Variants in VPS53 observed in about 807,000 individuals in gnomAD.
VPS53 encodes the protein vacuolar protein sorting-associated protein 53 homolog.
VPS53 carries 70 observed loss-of-function variants against 107.0 expected under a neutral mutation model. That is an observed-to-expected ratio of 0.65 (90% confidence interval 0.54 to 0.80). VPS53 has a LOEUF of 0.80. Ranked by LOEUF, VPS53 falls within the 30% of genes least tolerant of loss-of-function variation. The probability of loss-of-function intolerance (pLI) is 0.00; values close to 1 mark genes in which losing one functional copy is unlikely to be tolerated. For missense variants in VPS53, 917 were observed against 1,049.4 expected (o/e 0.87, Z 1.74); for synonymous variants, 409 against 393.3 (o/e 1.04, Z -0.47).
At chr17:642,685 C>T (rs1420700290) in intron 7 of VPS53, among the ~76,000 whole-genome samples, 1 of 93,764 alleles carries the variant, frequency 1.1e-5, no homozygotes, top group East Asian at 3.7e-4. Context: ...TCATACTTGG[C>T]AACCGAGGAC....
chr17:638,806 C>T (rs150118430), intron 7 of VPS53, among the ~76,000 whole-genome samples: 1 of 152,320 alleles, frequency 6.6e-6, no homozygotes, highest in African/African-American at 2.4e-5. Context: ...GATGGGCTTC[C>T]CTTTGTGGGT....
intron 9 of VPS53, among the ~76,000 whole-genome samples, chr17:627,774 T>TCACA (rs60407745): frequency 4.2e-4 from 64 of 150,658 alleles, no homozygotes; most frequent in East Asian, 5.9e-4. Flanking sequence ...AAACTCCGTC[T>TCACA]CACACACACA....
intron 4 of VPS53, among the ~76,000 whole-genome samples, chr17:697,159 G>A (rs1015400684): frequency 7.9e-5 from 12 of 152,188 alleles, no homozygotes; most frequent in Non-Finnish European, 4.4e-5. Context: ...AGAGATGCCC[G>A]ACACGAAGGA....
chr17:600,376 G>T (rs752072329), intron 12 of VPS53, among the ~76,000 whole-genome samples: 68 of 152,256 alleles, frequency 4.5e-4, no homozygotes, highest in Non-Finnish European at 1.2e-4. Flanking sequence ...CCCTGTGTGG[G>T]TGGAGGACAT....
intron 12 of VPS53, among the ~76,000 whole-genome samples, chr17:596,085 CTG>C (rs1382008597): frequency 6.6e-6 from 1 of 152,222 alleles, no homozygotes; most frequent in Non-Finnish European, 1.5e-5. Flanking sequence ...CTGTACCTCG[CTG>C]TACTAGGTTT....
intron 11 of VPS53, among the ~76,000 whole-genome samples, chr17:610,959 T>G (rs1371589366): frequency 1.3e-5 from 2 of 150,922 alleles, no homozygotes; most frequent in Non-Finnish European, 3.0e-5. Flanking sequence ...AAAAAAGTTA[T>G]AGAATATATC....
chr17:657,340 C>G (rs1277645320), intron 5 of VPS53: 1 of 752,822 alleles, frequency 1.3e-6, no homozygotes, highest in Non-Finnish European at 2.4e-6. Flanking sequence ...TATGTTATAT[C>G]AGTTCGGACC....
At chr17:711,253 C>T (rs1316076493) in intron 1 of VPS53, among the ~76,000 whole-genome samples, 2 of 152,170 alleles carry the variant, frequency 1.3e-5, no homozygotes, top group Non-Finnish European at 2.9e-5. Flanking sequence ...TCCCTAACAA[C>T]CTGAAGAACA....
intron 13 of VPS53, among the ~76,000 whole-genome samples, chr17:579,714 C>G (rs926165532): frequency 2.0e-5 from 3 of 151,770 alleles, no homozygotes; most frequent in Non-Finnish European, 4.4e-5. Context: ...CCCTCAGGAC[C>G]TAATGCGTTC....
chr17:707,825 A>G (rs902700649), intron 2 of VPS53, among the ~76,000 whole-genome samples: 3 of 149,042 alleles, frequency 2.0e-5, no homozygotes, highest in African/African-American at 5.0e-5. Flanking sequence ...AACCTGGGCA[A>G]CAGAGTAAAA....
intron 5 of VPS53, among the ~76,000 whole-genome samples, chr17:658,688 G>A (rs528819182): frequency 0.014 from 2,044 of 141,260 alleles, 246 homozygotes; most frequent in African/African-American, 0.058. Context: ...ACTGAAGTGA[G>A]ACACTCGGCC....
intron 11 of VPS53, among the ~76,000 whole-genome samples, chr17:614,092 C>T (rs954560493): frequency 2.0e-5 from 3 of 152,178 alleles, no homozygotes; most frequent in Non-Finnish European, 4.4e-5. Context: ...AAAGTCAATT[C>T]GTAACTGCCC....
At chr17:666,354 C>G (rs962645880) in intron 4 of VPS53, among the ~76,000 whole-genome samples, 15 of 152,142 alleles carry the variant, frequency 9.9e-5, no homozygotes, top group African/African-American at 3.4e-4. Context: ...AGTGATTGTG[C>G]CTTCTGTTGT....
At chr17:586,468 T>C (rs551557291) in intron 12 of VPS53, 104 bp from the exon 13 acceptor site, 10 of 1,108,126 alleles carry the variant, frequency 9.0e-6, no homozygotes, top group Non-Finnish European at 1.2e-5. Flanking sequence ...AAGTCACAGA[T>C]AAGAGAGTAC....
At chr17:599,689 A>G (rs1339308004) in intron 12 of VPS53, among the ~76,000 whole-genome samples, 1 of 149,724 alleles carries the variant, frequency 6.7e-6, no homozygotes, top group Non-Finnish European at 1.5e-5. Flanking sequence ...CCTTCCCTCC[A>G]CTATTGTCCT....
intron 4 of VPS53, chr17:673,819 G>A (rs982029219): frequency 6.6e-6 from 1 of 152,222 alleles, no homozygotes; most frequent in African/African-American, 2.4e-5. Flanking sequence ...TCTGTTCCAT[G>A]TAAGTTACTT....
In VPS53 at chr17:631,531, G is replaced by A. The variant is rs539305424; in HGVS notation, c.687+19C>T. 1 of 1,613,066 alleles carries A rather than the reference G, an allele frequency of 6.2e-7. No homozygotes were observed. Among genetic ancestry groups the A allele is most frequent in the South Asian group, 1.1e-5 (1 of 91,042 alleles). On this transcript the variant is annotated intron_variant, in intron 8 of 21. Transcript: ENST00000437048. Reference sequence around the variant, plus strand: ...GGATGGTGATCATCTCTAAAGACTGGGGAAACGCAAAGCAGTACCTTGGTG... The same window carrying A: ...GGATGGTGATCATCTCTAAAGACTGAGGAAACGCAAAGCAGTACCTTGGTG...
intron 15 of VPS53, among the ~76,000 whole-genome samples, chr17:559,803 C>T (rs4968162): frequency 0.82 from 124,468 of 152,206 alleles, 51,178 homozygotes; most frequent in African/African-American, 0.89. Context: ...GTGAAAAGGA[C>T]TTCTAATTCC....
Position 512,280 on chromosome 17 carries a change from A to G in VPS53, c.*6848T>C, listed in dbSNP as rs1567588824. The G allele has an allele frequency of 6.6e-6, 1 of 152,228 alleles. No homozygotes were observed. Among genetic ancestry groups the G allele is most frequent in the East Asian group, 1.9e-4 (1 of 5,206 alleles). The allele number at this position is 152,228 out of a possible 1,614,324, so 9.4% of individuals were successfully genotyped here. On this transcript the variant is annotated 3_prime_UTR_variant, in exon 22 of 22. Coordinates refer to ENST00000437048, the MANE Select transcript of VPS53 (RefSeq NM_001128159.3). ...GCCTTATGGCAGAGCAAGTGCATATAGCCCGGTCTTGTGTGACCTTCACAG... is the reference window on the plus strand; with the variant it reads ...GCCTTATGGCAGAGCAAGTGCATATGGCCCGGTCTTGTGTGACCTTCACAG...
Sources: allele counts gnomAD v4.1 joint callset (sites outside exome capture counted in the v4.1 genomes callset), GRCh38; gene constraint gnomAD v4.1.1; transcripts MANE v1.5; gene names NCBI Gene and HGNC (gene_info 2026-07-23, HGNC 2026-07-21).